SATL1: variants seen among roughly 807,000 people sequenced by gnomAD.
SATL1 encodes the protein spermidine/spermine N(1)-acetyltransferase-like protein 1.
A neutral mutation model predicts 51.8 loss-of-function variants in SATL1; 47 were observed. That is an observed-to-expected ratio of 0.91 (90% CI 0.72 to 1.16). The LOEUF (loss-of-function observed/expected upper bound fraction) is 1.16, where lower values mean the gene tolerates loss of function less well. Ranked by LOEUF, SATL1 falls within the 50% of genes most tolerant of loss-of-function variation. SATL1 has a pLI of 0.00. For synonymous variants in SATL1, 176 were observed against 182.4 expected (o/e 0.97, Z 0.28); for missense variants, 520 against 526.4 (o/e 0.99, Z 0.12).
chrX:85,169,150 C>T (rs1008653017), intron 2 of SATL1, among the ~76,000 whole-genome samples: 2 of 112,144 alleles, frequency 1.8e-5, no homozygotes, highest in African/African-American at 6.5e-5. Flanking sequence ...AAATGTAAAA[C>T]CCAAAAGTAT....
At chrX:85,176,515 C>A (rs1189619101) in intron 2 of SATL1, among the ~76,000 whole-genome samples, 1 of 111,434 alleles carries the variant, frequency 9.0e-6, no homozygotes, top group African/African-American at 3.3e-5. Flanking sequence ...CAATGGAATG[C>A]TATGGAACTT....
chrX:85,223,403 TTAGTTAA>T (rs1936421627), intron 2 of SATL1, among the ~76,000 whole-genome samples: 1 of 111,074 alleles, frequency 9.0e-6, no homozygotes, highest in African/African-American at 3.3e-5. Flanking sequence ...AAAAAAGATA[TTAGTTAA>T]GGCCAAGAGA....
chrX:85,129,255 G>T (rs1159327350), intron 2 of SATL1, among the ~76,000 whole-genome samples: 4 of 111,902 alleles, frequency 3.6e-5, no homozygotes, highest in Non-Finnish European at 7.5e-5. Flanking sequence ...CCATTTTCAT[G>T]ATATTGACTG....
chrX:85,195,797 AAATAATAAT>A (rs749934419), intron 2 of SATL1, among the ~76,000 whole-genome samples: 5 of 109,119 alleles, frequency 4.6e-5, no homozygotes, highest in South Asian at 3.9e-4. Context: ...ACTCCGTCTT[AAATAATAAT>A]AATAATAATA....
At chrX:85,142,497 T>G (rs1926134198) in intron 2 of SATL1, 1 of 110,075 alleles carries the variant, frequency 9.1e-6, no homozygotes, top group African/African-American at 3.3e-5. Flanking sequence ...TATTAACAGG[T>G]GGCATGAAAG....
At chrX:85,157,380 G>T (rs983647003) in intron 2 of SATL1, among the ~76,000 whole-genome samples, 3 of 111,419 alleles carry the variant, frequency 2.7e-5, no homozygotes, top group African/African-American at 9.8e-5. Context: ...TACTCTAGGT[G>T]AATATCCTAC....
chrX:85,189,195 T>C (rs979327020), intron 2 of SATL1, among the ~76,000 whole-genome samples: 1 of 111,880 alleles, frequency 8.9e-6, no homozygotes, highest in Non-Finnish European at 1.9e-5. Context: ...ATTTTTGTTT[T>C]AAGAGATGGG....
intron 2 of SATL1, chrX:85,209,375 A>G (rs778466576): frequency 1.8e-5 from 2 of 111,589 alleles, no homozygotes; most frequent in South Asian, 7.5e-4. Context: ...TTTTGGTTCC[A>G]TATGAACTTT....
intron 1 of SATL1, 59 bp from the exon 2 acceptor site, chrX:85,224,385 T>C (rs1002603440): frequency 2.7e-5 from 3 of 111,195 alleles, no homozygotes; most frequent in African/African-American, 9.8e-5. Flanking sequence ...ACATAAGTAA[T>C]GTTTACAGAT....
intron 2 of SATL1, among the ~76,000 whole-genome samples, chrX:85,220,832 A>G (rs183514442): frequency 8.3e-4 from 91 of 109,776 alleles, no homozygotes; most frequent in African/African-American, 2.5e-3. Flanking sequence ...ATTAAGTGAG[A>G]GAAAAAGAAA....
intron 2 of SATL1, among the ~76,000 whole-genome samples, chrX:85,167,255 G>C (rs1461188738): frequency 9.6e-6 from 1 of 104,270 alleles, no homozygotes; most frequent in Non-Finnish European, 2.0e-5. Flanking sequence ...GAGAGATGGG[G>C]GGGGGGTTGA....
At chrX:85,147,949 C>A (rs1023271751) in intron 2 of SATL1, among the ~76,000 whole-genome samples, 1 of 112,088 alleles carries the variant, frequency 8.9e-6, no homozygotes, top group African/African-American at 3.3e-5. Flanking sequence ...AGATCCTCAC[C>A]AGCAATGGAA....
At chrX:85,104,777 T>C (rs768512676) in intron 3 of SATL1, among the ~76,000 whole-genome samples, 2 of 111,837 alleles carry the variant, frequency 1.8e-5, no homozygotes, top group Admixed American at 9.5e-5. Flanking sequence ...ACTTACAATA[T>C]CTAATACAAT....
intron 3 of SATL1, among the ~76,000 whole-genome samples, chrX:85,105,788 A>C (rs950186586): frequency 8.9e-6 from 1 of 112,356 alleles, no homozygotes; most frequent in African/African-American, 3.2e-5. Flanking sequence ...ATGGACATAA[A>C]ATATTAAGAA....
At chrX:85,206,934 A>G (rs1488549056) in intron 2 of SATL1, among the ~76,000 whole-genome samples, 2 of 111,468 alleles carry the variant, frequency 1.8e-5, no homozygotes, top group Non-Finnish European at 3.8e-5. Flanking sequence ...GAGTGTATTA[A>G]TACAGAGGCA....
chrX:85,206,015 T>C (rs1038265778), intron 2 of SATL1, among the ~76,000 whole-genome samples: 10 of 111,614 alleles, frequency 9.0e-5, no homozygotes, highest in Admixed American at 2.9e-4. Flanking sequence ...ATAAATATTT[T>C]GGTTTGAGTA....
intron 2 of SATL1, among the ~76,000 whole-genome samples, chrX:85,175,283 C>T (rs1387956921): frequency 9.0e-6 from 1 of 111,065 alleles, no homozygotes; most frequent in East Asian, 2.8e-4. Flanking sequence ...ACTCTATACA[C>T]CAGAGTAATT....
rs138651773 is a variant in SATL1, at chrX:85,107,370, A to G, written c.1599T>C (p.His533=). Residue 533 remains histidine (H), a synonymous_variant, in exon 3 of 8, where the codon CAT becomes CAC. Coordinates refer to ENST00000644105, the MANE Select transcript of SATL1 (RefSeq NM_001367857.2). The part of the protein sequence containing the change: ...QTSMDYFQIR[H]AEAGDCPEIL... ...TTTCTGGGCAGTCTCCAGCCTCTGC[A>G]TGTCTTATTTGAAAGTAATCCATGC... 2.8e-4 allele frequency: 339 copies of G among 1,211,091 alleles called. No homozygotes were observed. The highest frequency in any genetic ancestry group is 3.5e-4 in the Non-Finnish European group (311 of 895,460).
At chrX:85,131,198 T>A (rs1166421863) in intron 2 of SATL1, among the ~76,000 whole-genome samples, 1 of 111,520 alleles carries the variant, frequency 9.0e-6, no homozygotes, top group Non-Finnish European at 1.9e-5. Context: ...TTCCTGGATA[T>A]CCTTGTTAAC....
Sources: gnomAD v4.1 joint callset for allele counts (sites outside exome capture counted in the v4.1 genomes callset) on GRCh38, gnomAD v4.1.1 for gene constraint, MANE v1.5 for transcripts, NCBI Gene and HGNC (gene_info 2026-07-23, HGNC 2026-07-21) for gene names.